The following PRKG1 variants were observed in gnomAD, a reference collection of about 807,000 sequenced individuals.
PRKG1 encodes protein kinase cGMP-dependent 1, also known as cGMP-dependent protein kinase 1.
In PRKG1, 35 loss-of-function variants were observed where a neutral mutation model predicts 88.1. The ratio of observed to expected loss-of-function variants is 0.40; its 90% CI spans 0.30 to 0.53. The LOEUF is 0.53. Ranked by LOEUF, PRKG1 falls within the 20% of genes least tolerant of loss-of-function variation. PRKG1 has a pLI of 0.59. For synonymous variants in PRKG1, 303 were observed against 292.5 expected (o/e 1.04, Z -0.37); for missense variants, 540 against 839.8 (o/e 0.64, Z 4.41).
intron 9 of PRKG1, among the ~76,000 whole-genome samples, chr10:52,245,517 C>A (rs1841000425): frequency 6.6e-6 from 1 of 151,970 alleles, no homozygotes; most frequent in African/African-American, 2.4e-5. Context: ...CCAGGGTAGA[C>A]CTTGATGTTC....
chr10:51,882,521 C>A (rs548878764), intron 4 of PRKG1, among the ~76,000 whole-genome samples: 17 of 152,234 alleles, frequency 1.1e-4, no homozygotes, highest in African/African-American at 4.1e-4. Flanking sequence ...GTGTTTAACT[C>A]TATTAGAGTT....
chr10:51,220,852 A>G (rs1198717020), intron 2 of PRKG1, among the ~76,000 whole-genome samples: 1 of 152,154 alleles, frequency 6.6e-6, no homozygotes. Context: ...AATGAGGTGT[A>G]CTAAAATTTA....
chr10:51,192,232 C>T (rs190429722), intron 2 of PRKG1, among the ~76,000 whole-genome samples: 258 of 151,682 alleles, frequency 1.7e-3, no homozygotes, highest in Admixed American at 3.4e-3. Flanking sequence ...GCATGCATTT[C>T]CAAATCATCA....
intron 5 of PRKG1, among the ~76,000 whole-genome samples, chr10:51,947,448 C>T (rs1025790376): frequency 5.6e-5 from 8 of 141,880 alleles, no homozygotes; most frequent in Admixed American, 1.5e-4. Flanking sequence ...TGCTTCGGCT[C>T]GCGCATGGTG....
chr10:51,570,081 TTA>T (rs1285079842), intron 3 of PRKG1, among the ~76,000 whole-genome samples: 3,575 of 119,446 alleles, frequency 0.03, 276 homozygotes, highest in African/African-American at 0.13. Flanking sequence ...GTGTGTGTGT[TTA>T]TATATGTATA....
At chr10:51,396,509 C>A (rs973438775) in intron 2 of PRKG1, among the ~76,000 whole-genome samples, 2 of 152,086 alleles carry the variant, frequency 1.3e-5, no homozygotes, top group Non-Finnish European at 2.9e-5. Context: ...AAACATGTTG[C>A]CCTGGACAAT....
At chr10:52,092,744 G>A (rs1366449194) in intron 7 of PRKG1, among the ~76,000 whole-genome samples, 1 of 152,122 alleles carries the variant, frequency 6.6e-6, no homozygotes, top group East Asian at 1.9e-4. Context: ...TTACTGGTTA[G>A]CAAAATGATG....
chr10:51,120,478 C>T (rs1337914108), intron 1 of PRKG1, among the ~76,000 whole-genome samples: 4 of 152,016 alleles, frequency 2.6e-5, no homozygotes, highest in Non-Finnish European at 2.9e-5. Flanking sequence ...TCCTTCACAA[C>T]ATTTTCAAAT....
intron 9 of PRKG1, among the ~76,000 whole-genome samples, chr10:52,196,693 A>T (rs1839515212): frequency 6.6e-6 from 1 of 152,192 alleles, no homozygotes; most frequent in Non-Finnish European, 1.5e-5. Flanking sequence ...CAGCAGAAGT[A>T]GAGCTGGTAT....
chr10:51,562,492 T>TA (rs1837493223), intron 3 of PRKG1, among the ~76,000 whole-genome samples: 2 of 152,086 alleles, frequency 1.3e-5, no homozygotes, highest in African/African-American at 4.8e-5. Context: ...TACGTGTGCA[T>TA]CTTTGTGTTA....
intron 1 of PRKG1, among the ~76,000 whole-genome samples, chr10:51,046,667 G>A (rs566627046): frequency 5.9e-5 from 9 of 152,248 alleles, no homozygotes; most frequent in African/African-American, 1.9e-4. Context: ...TCAGACCAGC[G>A]GAAATGAAAA....
intron 2 of PRKG1, among the ~76,000 whole-genome samples, chr10:51,199,386 C>T (rs975355166): frequency 6.6e-6 from 1 of 152,132 alleles, no homozygotes; most frequent in Admixed American, 6.5e-5. Context: ...ACTTAATAAA[C>T]ATGTACTATG....
intron 1 of PRKG1, among the ~76,000 whole-genome samples, chr10:51,088,564 G>A (rs1844315447): frequency 6.6e-6 from 1 of 152,038 alleles, no homozygotes; most frequent in Non-Finnish European, 1.5e-5. Flanking sequence ...TTCCAACATG[G>A]ATTGGACCCA....
chr10:52,288,639 A>G, intron 14 of PRKG1, 87 bp from the exon 15 acceptor site: 2 of 1,338,866 alleles, frequency 1.5e-6, no homozygotes, highest in Non-Finnish European at 2.0e-6. Context: ...ATATGAATTG[A>G]TGTCATCTGT....
intron 2 of PRKG1, among the ~76,000 whole-genome samples, chr10:51,404,737 G>A (rs746406242): frequency 9.9e-5 from 15 of 152,276 alleles, no homozygotes; most frequent in African/African-American, 1.4e-4. Context: ...ATCAAAACAC[G>A]CATAAGAATC....
intron 2 of PRKG1, among the ~76,000 whole-genome samples, chr10:51,252,875 ATTG>A (rs1839463134): frequency 6.7e-6 from 1 of 149,908 alleles, no homozygotes; most frequent in South Asian, 2.1e-4. Context: ...ACTGGCAATC[ATTG>A]TTGTTTGGAT....
intron 5 of PRKG1, among the ~76,000 whole-genome samples, chr10:52,031,784 A>C (rs1218524023): frequency 1.3e-5 from 2 of 152,224 alleles, no homozygotes; most frequent in Admixed American, 6.5e-5. Context: ...TAGAAGCTGC[A>C]ATTATGAAAC....
rs71029350 is a variant in PRKG1, at chr10:51,146,424, A to AATTATT, written c.312-6721_312-6716dup. ...AGATCACATGCCCATGTTTTAATCA[A>AATTATT]ATTATTATTATTATTATTATTATTT... On this transcript the variant is annotated intron_variant, in intron 1 of 17. Transcript: ENST00000373980. Among the ~76,000 whole-genome samples, 1,159 of 149,114 alleles carry AATTATT rather than the reference A, an allele frequency of 7.8e-3. 8 individuals carry two copies. The highest frequency in any genetic ancestry group is 7.0e-3 in the Middle Eastern group (2 of 286).
intron 2 of PRKG1, among the ~76,000 whole-genome samples, chr10:51,401,398 T>C (rs10762110): frequency 0.12 from 18,234 of 152,122 alleles, 1,333 homozygotes; most frequent in Admixed American, 0.24. Flanking sequence ...GGAAGTGGGA[T>C]AAATCACTGC....
Sources: allele counts gnomAD v4.1 joint callset (sites outside exome capture counted in the v4.1 genomes callset), GRCh38; gene constraint gnomAD v4.1.1; transcripts MANE v1.5; gene names NCBI Gene and HGNC (gene_info 2026-07-23, HGNC 2026-07-21).